PRICKLE1: variants seen among roughly 807,000 people sequenced by gnomAD.
The protein encoded by PRICKLE1 is prickle planar cell polarity protein 1.
A neutral mutation model predicts 70.2 loss-of-function variants in PRICKLE1; 14 were observed. The observed-to-expected ratio is 0.20, with a 90% CI of 0.13 to 0.31. The LOEUF (loss-of-function observed/expected upper bound fraction) is 0.31. PRICKLE1 is among the 10% of genes least tolerant of loss of function. The pLI is 1.00. For missense variants in PRICKLE1, 821 were observed against 1,026.2 expected, an observed-to-expected ratio of 0.80 and a Z score of 2.73; for synonymous variants, 357 against 379.9, an observed-to-expected ratio of 0.94 and a Z score of 0.70.
intron 1 of PRICKLE1, among the ~76,000 whole-genome samples, chr12:42,474,455 TTTCA>T (rs1439438246): frequency 6.6e-6 from 1 of 152,190 alleles, no homozygotes; most frequent in African/African-American, 2.4e-5. Flanking sequence ...TAAATTTAAC[TTTCA>T]TTCACCCTGA....
chr12:42,526,675 C>T (rs376299785), intron 1 of PRICKLE1, among the ~76,000 whole-genome samples: 1 of 150,848 alleles, frequency 6.6e-6, no homozygotes, highest in Non-Finnish European at 1.5e-5. Context: ...CATTTTAGCA[C>T]AGTCAGGTCA....
At chr12:42,582,473 T>A (rs1004236674) in intron 1 of PRICKLE1, among the ~76,000 whole-genome samples, 12 of 152,250 alleles carry the variant, frequency 7.9e-5, no homozygotes, top group South Asian at 2.1e-4. Context: ...GACCTAACTT[T>A]ATCTCTTTCT....
At position 42,540,146 on chromosome 12, in the gene PRICKLE1, C is replaced by A. The variant is rs1023102445; in HGVS notation, c.-49+49319G>T. Among the ~76,000 whole-genome samples, 6 of 152,348 alleles carry A rather than the reference C, an allele frequency of 3.9e-5. No homozygotes were observed. The East Asian group carries it at 9.6e-4, about 24-fold the overall frequency. ...CAAGAGTTAAATCCATAGCTTTACTCATGCTACATAACATAAGCCAATAAA... is the reference window on the plus strand; with the variant it reads ...CAAGAGTTAAATCCATAGCTTTACTAATGCTACATAACATAAGCCAATAAA... On this transcript the variant is annotated intron_variant, in intron 1 of 7. Transcript: ENST00000345127.
intron 1 of PRICKLE1, among the ~76,000 whole-genome samples, chr12:42,556,092 C>T (rs1233916786): frequency 6.6e-6 from 1 of 152,080 alleles, no homozygotes; most frequent in Non-Finnish European, 1.5e-5. Context: ...GCATAAAGTC[C>T]TATTGATTAT....
chr12:42,566,047 G>T (rs1194801683), intron 1 of PRICKLE1, among the ~76,000 whole-genome samples: 1 of 152,222 alleles, frequency 6.6e-6, no homozygotes, highest in Admixed American at 6.5e-5. Context: ...GAGACTGGCA[G>T]GAGGTTTGTG....
intron 1 of PRICKLE1, among the ~76,000 whole-genome samples, chr12:42,563,789 T>C (rs1173936263): frequency 1.3e-5 from 2 of 151,718 alleles, no homozygotes; most frequent in Non-Finnish European, 2.9e-5. Flanking sequence ...TTGTTTAATA[T>C]TTAAATAGAG....
intron 1 of PRICKLE1, among the ~76,000 whole-genome samples, chr12:42,526,617 C>A (rs1018979802): frequency 6.6e-6 from 1 of 151,840 alleles, no homozygotes; most frequent in Non-Finnish European, 1.5e-5. Flanking sequence ...CCGACTGGGA[C>A]CAGTTTGCAG....
chr12:42,486,563 C>A (rs1263739016), intron 1 of PRICKLE1, among the ~76,000 whole-genome samples: 1 of 152,190 alleles, frequency 6.6e-6, no homozygotes, highest in African/African-American at 2.4e-5. Context: ...AAAGAGGCAG[C>A]ATTTTGTTTG....
At chr12:42,570,513 G>A (rs930723338) in intron 1 of PRICKLE1, among the ~76,000 whole-genome samples, 2 of 152,170 alleles carry the variant, frequency 1.3e-5, no homozygotes, top group African/African-American at 4.8e-5. Context: ...ATTCAAATGT[G>A]CCTCTTAAAA....
At chr12:42,516,429 G>T (rs1939613785) in intron 1 of PRICKLE1, among the ~76,000 whole-genome samples, 1 of 152,144 alleles carries the variant, frequency 6.6e-6, no homozygotes, top group Non-Finnish European at 1.5e-5. Context: ...ACCGTGCCTG[G>T]CTTCTTCTTT....
chr12:42,568,540 T>A (rs1393420788), intron 1 of PRICKLE1, among the ~76,000 whole-genome samples: 1 of 152,178 alleles, frequency 6.6e-6, no homozygotes, highest in East Asian at 1.9e-4. Flanking sequence ...AGAAAGCACA[T>A]AGGGTAAGGT....
At position 42,545,682 on chromosome 12, in the gene PRICKLE1, CT is replaced by C. The variant is rs545348453; in HGVS notation, c.-49+43782del. ...TGGCCAAAATGGTGAAACTCTATCTCTACTAAAAATAAAATAAATTAGCTGG... is the reference window on the plus strand; with the variant it reads ...TGGCCAAAATGGTGAAACTCTATCTCACTAAAAATAAAATAAATTAGCTGG... On this transcript the variant is annotated intron_variant, in intron 1 of 7. Coordinates refer to ENST00000345127, the MANE Select transcript of PRICKLE1 (RefSeq NM_153026.3). Among the ~76,000 whole-genome samples, 766 of 152,056 alleles carry C rather than the reference CT, an allele frequency of 5.0e-3. 9 individuals are homozygous for C. The highest frequency in any genetic ancestry group is 0.018 in the African/African-American group (730 of 41,476).
chr12:42,565,085 T>A (rs1038727832), intron 1 of PRICKLE1, among the ~76,000 whole-genome samples: 6 of 152,222 alleles, frequency 3.9e-5, no homozygotes, highest in Non-Finnish European at 8.8e-5. Flanking sequence ...CTTAATTGTG[T>A]TCCCAGATTC....
rs138652714 is a variant in PRICKLE1 at position 42,575,403 on chromosome 12, G to A, written c.-49+14062C>T. ...TAATCTTATAGCCAAATAGAAAGAC[G>A]TGCAATTTGGGCCAGGCACAGTGGC... On this transcript the variant is annotated intron_variant, in intron 1 of 7. Coordinates refer to ENST00000345127, the MANE Select transcript of PRICKLE1 (RefSeq NM_153026.3). Among the ~76,000 whole-genome samples, 7 of 152,190 alleles carry A rather than the reference G, an allele frequency of 4.6e-5. No individual in the cohort carries two copies. The East Asian group carries it at 9.7e-4, about 21-fold the overall frequency.
At chr12:42,480,171 A>G (rs1272154592) in intron 1 of PRICKLE1, among the ~76,000 whole-genome samples, 1 of 152,098 alleles carries the variant, frequency 6.6e-6, no homozygotes, top group Non-Finnish European at 1.5e-5. Flanking sequence ...CTGCTCTCAT[A>G]ATGTTTTGAT....
At chr12:42,489,198 C>T (rs1253842429) in intron 1 of PRICKLE1, among the ~76,000 whole-genome samples, 1 of 150,830 alleles carries the variant, frequency 6.6e-6, no homozygotes, top group South Asian at 2.1e-4. Context: ...GTTGGGATTA[C>T]AGGCATGAGC....
chr12:42,508,520 C>T (rs977426050), intron 1 of PRICKLE1, among the ~76,000 whole-genome samples: 1 of 152,032 alleles, frequency 6.6e-6, no homozygotes, highest in African/African-American at 2.4e-5. Flanking sequence ...ATAACATACA[C>T]CAAATTAGAA....
chr12:42,516,751 G>A (rs1301986479), intron 1 of PRICKLE1, among the ~76,000 whole-genome samples: 1 of 152,122 alleles, frequency 6.6e-6, no homozygotes, highest in Admixed American at 6.6e-5. Flanking sequence ...GATCTAGGTT[G>A]GGCCGTTTCC....
At chr12:42,586,670 G>A (rs1193816550) in intron 1 of PRICKLE1, among the ~76,000 whole-genome samples, 1 of 152,174 alleles carries the variant, frequency 6.6e-6, no homozygotes, top group Non-Finnish European at 1.5e-5. Flanking sequence ...AGGCCATTAA[G>A]AGAGTTACTT....
Sources: allele counts gnomAD v4.1 joint callset (sites outside exome capture counted in the v4.1 genomes callset), GRCh38; gene constraint gnomAD v4.1.1; transcripts MANE v1.5; gene names NCBI Gene and HGNC (gene_info 2026-07-23, HGNC 2026-07-21).